The following DYNC2I1 variants were observed in gnomAD, a reference collection of about 807,000 sequenced individuals.
DYNC2I1 encodes dynein 2 intermediate chain 1.
A neutral mutation model predicts 133.4 loss-of-function variants in DYNC2I1; 89 were observed. That is an observed-to-expected ratio of 0.67 (90% CI 0.56 to 0.80). The LOEUF is 0.80. Ranked by LOEUF, DYNC2I1 falls within the 30% of genes least tolerant of loss-of-function variation. The probability of loss-of-function intolerance (pLI) is 0.00; values close to 1 mark genes in which losing one functional copy is unlikely to be tolerated. For synonymous variants in DYNC2I1, 504 were observed against 484.3 expected, an observed-to-expected ratio of 1.04 and a Z score of -0.54; for missense variants, 1,291 against 1,314.5, an observed-to-expected ratio of 0.98 and a Z score of 0.28.
chr7:158,913,120 G>T lies in DYNC2I1; in HGVS notation c.1702+24G>T. The T allele has an allele frequency of 2.0e-6, 3 of 1,505,224 alleles. No homozygotes were observed. The South Asian group carries it at 3.5e-5, about 18-fold the overall frequency. The allele number at this position is 1,505,224 out of a possible 1,614,324, so 93.2% of individuals were successfully genotyped here. A position where few individuals can be genotyped will look rare whatever the true frequency, so the allele number is the denominator to read the frequency against. On this transcript the variant is annotated intron_variant, in intron 13 of 24. Transcript: ENST00000407559. ...AGGTAACATCTTGCTCTTGAGTGTT[G>T]ACCATTGACTCTCTTTACATTCTTT...
At chr7:158,887,973 C>A (rs1844772670) in intron 7 of DYNC2I1, among the ~76,000 whole-genome samples, 1 of 146,720 alleles carries the variant, frequency 6.8e-6, no homozygotes, top group Non-Finnish European at 1.5e-5. Flanking sequence ...CTTAGTGACT[C>A]TAAAATAGCA....
At chr7:158,891,239 T>C (rs1314261838) in intron 7 of DYNC2I1, 26 bp from the exon 8 acceptor site, 2 of 1,613,882 alleles carry the variant, frequency 1.2e-6, no homozygotes, top group African/African-American at 2.7e-5. Context: ...GTGTCCTGGC[T>C]GATGGGGCTG....
chr7:158,901,908 T>G, intron 9 of DYNC2I1, 92 bp downstream of exon 9: 5 of 984,118 alleles, frequency 5.1e-6, no homozygotes, highest in Non-Finnish European at 7.4e-6. Flanking sequence ...CTTTTTATTC[T>G]TTTTATTAAT....
Position 158,942,046 on chromosome 7 carries a change from C to G in DYNC2I1, c.2900C>G (p.Pro967Arg), listed in dbSNP as rs1326851662. Residue 967 changes from proline (P) to arginine (R), a missense_variant, in exon 24 of 25, where the codon CCT becomes CGT. Transcript: ENST00000407559. ...GGCCTGCAGTGGTCCCCAACCAGGC[C>G]TGCCGTGTTCCTGGTGCAGGACGAC... is the stretch of plus-strand genomic sequence containing the variant. Reference protein sequence around the residue: ...VTGLQWSPTRPAVFLVQDDTS... With the variant: ...VTGLQWSPTRRAVFLVQDDTS... The G allele has an allele frequency of 1.9e-6, 3 of 1,613,108 alleles. No individual in the cohort carries two copies. The highest frequency in any genetic ancestry group is 1.3e-5 in the African/African-American group (1 of 74,928).
intron 23 of DYNC2I1, among the ~76,000 whole-genome samples, chr7:158,936,955 ATAAC>A (rs202191295): frequency 6.6e-6 from 1 of 152,230 alleles, no homozygotes; most frequent in Non-Finnish European, 1.5e-5. Flanking sequence ...ACTGGAATAA[ATAAC>A]TAATCCTGCA....
Position 158,884,585 on chromosome 7 carries a change from G to A in DYNC2I1, c.901G>A (p.Gly301Ser), listed in dbSNP as rs1844410092. Reference sequence around the variant, plus strand: ...ATAGAATGGTGAACACAGAAATCGAGGTGCAAGCTCAAAAAGAGATGGGAC... The same window carrying A: ...ATAGAATGGTGAACACAGAAATCGAAGTGCAAGCTCAAAAAGAGATGGGAC... ...ESQNGEHRNR[G>S]ASSKRDGTSS... The change falls in exon 6 of 25, where the codon GGT (glycine) becomes AGT (serine). Residue 301 changes from glycine (G) to serine (S), a missense_variant. Gly to Ser is a moderately conservative substitution (Grantham distance 56). Transcript: ENST00000407559. The A allele has an allele frequency of 6.2e-7, 1 of 1,613,104 alleles. No individual in the cohort carries two copies. Among genetic ancestry groups the A allele is most frequent in the Non-Finnish European group, 8.5e-7 (1 of 1,179,568 alleles).
At chr7:158,850,107 C>T in the DYNC2I1 span, among the ~76,000 whole-genome samples, 1 of 152,248 alleles carries the variant, frequency 6.6e-6, no homozygotes, top group Admixed American at 6.5e-5. Context: ...CCTGAGCCTG[C>T]AGAGCTGGGG....
intron 1 of DYNC2I1, among the ~76,000 whole-genome samples, chr7:158,858,451 A>C (rs1841522773): frequency 6.6e-6 from 1 of 152,144 alleles, no homozygotes; most frequent in East Asian, 1.9e-4. Flanking sequence ...ACATTCAGTT[A>C]ATGTACCACA....
In DYNC2I1 at chr7:158,871,432, C is replaced by T. The variant is rs556491789; in HGVS notation, c.360C>T (p.Asp120=). The change falls in exon 3 of 25, where the codon GAC becomes GAT. Residue 120 remains aspartate (D), a synonymous_variant. Coordinates refer to ENST00000407559, the MANE Select transcript of DYNC2I1 (RefSeq NM_018051.5). ...AAAAGTCTCACAGCAGAGGAAAGGA[C>T]AGGGAAAAAGAAAAAGACAGAAGGG... ...EAEKSHSRGK[D]REKEKDRRAR... 2 of 1,551,316 alleles carry T rather than the reference C, an allele frequency of 1.3e-6. No individual in the cohort carries two copies. Among genetic ancestry groups the T allele is most frequent in the East Asian group, 2.4e-5 (1 of 40,914 alleles).
At chr7:158,929,023 G>C (rs988839874) in intron 20 of DYNC2I1, among the ~76,000 whole-genome samples, 1 of 152,182 alleles carries the variant, frequency 6.6e-6, no homozygotes, top group Non-Finnish European at 1.5e-5. Flanking sequence ...TGTAGTACAT[G>C]ATGGTCATAT....
intron 3 of DYNC2I1, among the ~76,000 whole-genome samples, chr7:158,872,184 C>T (rs761919551): frequency 6.6e-6 from 1 of 151,968 alleles, no homozygotes; most frequent in Non-Finnish European, 1.5e-5. Flanking sequence ...TGTGTGGTGG[C>T]GCTTGCCTGT....
intron 1 of DYNC2I1, among the ~76,000 whole-genome samples, chr7:158,861,305 C>G (rs984764375): frequency 1.3e-5 from 2 of 152,190 alleles, no homozygotes; most frequent in African/African-American, 4.8e-5. Context: ...ATCCTAACTA[C>G]TGTAATTATC....
At chr7:158,917,681 C>T (rs1848607105) in intron 14 of DYNC2I1, among the ~76,000 whole-genome samples, 1 of 148,916 alleles carries the variant, frequency 6.7e-6, no homozygotes, top group Non-Finnish European at 1.5e-5. Flanking sequence ...CCACACTCCA[C>T]CCTCCACCTC....
At chr7:158,857,337 T>C (rs537475064) in intron 1 of DYNC2I1, among the ~76,000 whole-genome samples, 64 of 152,286 alleles carry the variant, frequency 4.2e-4, no homozygotes, top group African/African-American at 1.4e-3. Context: ...CATAGACCAG[T>C]GCCTGCTTTC....
At chr7:158,929,050 T>TCACTTTCCTA (rs1849922737) in intron 20 of DYNC2I1, among the ~76,000 whole-genome samples, 1 of 152,136 alleles carries the variant, frequency 6.6e-6, no homozygotes, top group African/African-American at 2.4e-5. Flanking sequence ...TATCCTGGGG[T>TCACTTTCCTA]GGTGAGTATT....
At chr7:158,910,492 C>G (rs1400102845) in intron 11 of DYNC2I1, among the ~76,000 whole-genome samples, 1 of 149,356 alleles carries the variant, frequency 6.7e-6, no homozygotes, top group East Asian at 2.0e-4. Flanking sequence ...TTGGCTGTGT[C>G]AGGCCTGTGG....
chr7:158,954,256 A>C (rs544002400), intron 4 of DYNC2I1, among the ~76,000 whole-genome samples: 69 of 152,320 alleles, frequency 4.5e-4, no homozygotes, highest in Non-Finnish European at 7.9e-4. Flanking sequence ...CCCCGTCTCC[A>C]GTATGTCTTT....
Position 158,913,037 on chromosome 7 carries a change from A to G in DYNC2I1, c.1643A>G (p.Glu548Gly). Residue 548 changes from glutamate to glycine, a missense_variant, in exon 13 of 25, where the codon GAA becomes GGA. Glu to Gly is a moderately conservative substitution (Grantham distance 98). Coordinates refer to ENST00000407559, the MANE Select transcript of DYNC2I1 (RefSeq NM_018051.5). ...DNVERDIQTE[E>G]IETREVWTQH... ...GTTGAAAGAGACATTCAAACGGAGGAAATAGAGACCAGGGAAGTGTGGACC... is the reference window on the plus strand; with the variant it reads ...GTTGAAAGAGACATTCAAACGGAGGGAATAGAGACCAGGGAAGTGTGGACC... 6 of 1,613,670 alleles carry G rather than the reference A, an allele frequency of 3.7e-6. No homozygotes were observed. The highest frequency in any genetic ancestry group is 4.2e-6 in the Non-Finnish European group (5 of 1,179,726).
intron 17 of DYNC2I1, among the ~76,000 whole-genome samples, chr7:158,925,871 C>G (rs1563184315): frequency 6.6e-6 from 1 of 152,152 alleles, no homozygotes; most frequent in Non-Finnish European, 1.5e-5. Context: ...CAGAGACTTT[C>G]TCTGTCTGAG....
Sources: gnomAD v4.1 joint callset for allele counts (sites outside exome capture counted in the v4.1 genomes callset) on GRCh38, gnomAD v4.1.1 for gene constraint, MANE v1.5 for transcripts, NCBI Gene and HGNC (gene_info 2026-07-23, HGNC 2026-07-21) for gene names.